TIAM2: variants seen among roughly 807,000 people sequenced by gnomAD.
TIAM2 encodes rho guanine nucleotide exchange factor TIAM2.
In TIAM2, 80 loss-of-function variants were observed where a neutral mutation model predicts 152.9. That is an observed-to-expected ratio of 0.52 (90% CI 0.44 to 0.63). The LOEUF (loss-of-function observed/expected upper bound fraction) is 0.63. TIAM2 is among the 30% of genes least tolerant of loss of function. The pLI, the probability that TIAM2 is intolerant of heterozygous loss-of-function variation, is 0.00. For missense variants in TIAM2, 1,965 were observed against 2,120.1 expected (o/e 0.93, Z 1.44); for synonymous variants, 804 against 838.0 (o/e 0.96, Z 0.70).
In TIAM2 at chr6:155,168,745, A is replaced by G. The variant is rs1583226233; in HGVS notation, c.2361+3336A>G. On this transcript the variant is annotated intron_variant, in intron 9 of 26. Transcript: ENST00000682666. ...AAATTGTGATATGAAGCTCTTCTAA[A>G]ATGTTATAGAACTTTAGTTTTTAAA... 3.0e-6 allele frequency: 3 copies of G among 986,800 alleles called. No individual in the cohort carries two copies. The East Asian group carries it at 8.2e-5, about 27-fold the overall frequency. 61.1% of individuals were successfully genotyped at this position (986,800 alleles called of 1,614,324 possible).
intron 1 of TIAM2, among the ~76,000 whole-genome samples, chr6:155,024,695 A>G (rs1776564208): frequency 6.6e-6 from 1 of 151,182 alleles, no homozygotes; most frequent in Non-Finnish European, 1.5e-5. Flanking sequence ...AAGCCAAGCT[A>G]TAAAAAGTAA....
chr6:155,121,026 G>C (rs1350409989), intron 2 of TIAM2, among the ~76,000 whole-genome samples: 1 of 152,012 alleles, frequency 6.6e-6, no homozygotes, highest in Non-Finnish European at 1.5e-5. Flanking sequence ...TTGCAAATTA[G>C]GTAGTTTTAT....
At chr6:155,247,389 C>T (rs138519146) in intron 19 of TIAM2, among the ~76,000 whole-genome samples, 3 of 152,060 alleles carry the variant, frequency 2.0e-5, no homozygotes, top group Non-Finnish European at 2.9e-5. Context: ...AGTGCAGTGG[C>T]GCGATCTTGG....
chr6:155,161,818 T>G (rs939176154), intron 7 of TIAM2, among the ~76,000 whole-genome samples: 1 of 152,154 alleles, frequency 6.6e-6, no homozygotes, highest in African/African-American at 2.4e-5. Flanking sequence ...CCTCCAATGA[T>G]CTGCCCGCAT....
rs61069386 is a variant in TIAM2, at chr6:155,124,549, C to T, written c.-117-2941C>T. Reference sequence around the variant, plus strand: ...TTCTCCATGTTGATCAGGCTGGTCTCGAACTCCCGACCTCAGGTGATCTGC... The same window carrying T: ...TTCTCCATGTTGATCAGGCTGGTCTTGAACTCCCGACCTCAGGTGATCTGC... On this transcript the variant is annotated intron_variant, in intron 2 of 26. Coordinates refer to ENST00000682666, the MANE Select transcript of TIAM2 (RefSeq NM_012454.4). 5.3e-5 allele frequency among the ~76,000 whole-genome samples: 8 copies of T among 150,950 alleles called. No homozygotes were observed. The South Asian group carries it at 1.3e-3, about 24-fold the overall frequency.
intron 9 of TIAM2, among the ~76,000 whole-genome samples, chr6:155,172,692 T>A (rs1247072782): frequency 6.8e-3 from 292 of 42,980 alleles, no homozygotes; most frequent in African/African-American, 0.012. Flanking sequence ...ATATATTTTT[T>A]TTTTTTTTTT....
intron 14 of TIAM2, among the ~76,000 whole-genome samples, chr6:155,203,194 G>A (rs934218148): frequency 3.3e-5 from 5 of 152,064 alleles, no homozygotes; most frequent in African/African-American, 4.8e-5. Flanking sequence ...TTGAAAAAAA[G>A]TCTTAATTTT....
chr6:155,127,869 G>GT (rs2115034868), intron 3 of TIAM2, among the ~76,000 whole-genome samples: 1 of 152,314 alleles, frequency 6.6e-6, no homozygotes, highest in Admixed American at 6.5e-5. Context: ...TGATATACTG[G>GT]TTTGAGTGAG....
intron 14 of TIAM2, among the ~76,000 whole-genome samples, chr6:155,202,750 G>A (rs939161216): frequency 6.6e-6 from 1 of 151,662 alleles, no homozygotes; most frequent in Non-Finnish European, 1.5e-5. Flanking sequence ...TAAAAGGAGA[G>A]ATTCTGGCTG....
intron 1 of TIAM2, among the ~76,000 whole-genome samples, chr6:155,009,612 A>G (rs914330690): frequency 6.6e-6 from 1 of 152,132 alleles, no homozygotes; most frequent in African/African-American, 2.4e-5. Flanking sequence ...TCCAGGCAGT[A>G]TTAGTGATTT....
chr6:155,140,907 A>G (rs1236670371), intron 5 of TIAM2, among the ~76,000 whole-genome samples: 4 of 152,192 alleles, frequency 2.6e-5, no homozygotes, highest in Non-Finnish European at 5.9e-5. Context: ...GCTACTGACC[A>G]CATTTGTCCA....
chr6:155,202,883 C>CAAAAAA (rs36086677), intron 14 of TIAM2, among the ~76,000 whole-genome samples: 2 of 109,180 alleles, frequency 1.8e-5, no homozygotes, highest in African/African-American at 3.8e-5. Flanking sequence ...ACTAAAAATA[C>CAAAAAA]AAAAAAAAAA....
intron 2 of TIAM2, among the ~76,000 whole-genome samples, chr6:155,102,171 G>A (rs57963184): frequency 6.3e-4 from 96 of 151,444 alleles, no homozygotes; most frequent in African/African-American, 2.3e-3. Flanking sequence ...TAATTTTGGG[G>A]CAGAAATGGG....
chr6:155,137,501 G>A lies in TIAM2; in HGVS notation c.1519G>A (p.Val507Ile). ...GCTCTTTGAGAAGGAACAGGGGGTG[G>A]TCCGGAAGGCCGGGTGGCTCTTCTT... ...DLLFEKEQGVVRKAGWLFFKP... is the reference protein window; with the variant it reads ...DLLFEKEQGVIRKAGWLFFKP... Residue 507 changes from valine to isoleucine, a missense_variant, in exon 5 of 27, where the codon GTC becomes ATC. By Grantham distance (29) the Val-to-Ile change is conservative. Around this residue, in one of 3 missense-constraint regions of TIAM2, gnomAD observed 1,025 missense variants for 1,119.4 expected, o/e 0.92. Transcript: ENST00000682666. 5.6e-6 allele frequency: 9 copies of A among 1,614,184 alleles called. No individual in the cohort carries two copies. The highest frequency in any genetic ancestry group is 6.8e-6 in the Non-Finnish European group (8 of 1,180,030).
At chr6:155,137,101 C>T in intron 4 of TIAM2, 76 bp from the exon 5 acceptor site, 1 of 1,477,794 alleles carries the variant, frequency 6.8e-7, no homozygotes, top group South Asian at 1.3e-5. Context: ...ACTGGTATTA[C>T]ACTTATGCTG....
At chr6:155,029,679 TTATATAACTATATATAGAGA>T (rs1583159830) in intron 1 of TIAM2, among the ~76,000 whole-genome samples, 2 of 103,504 alleles carry the variant, frequency 1.9e-5, no homozygotes, top group East Asian at 2.2e-4. Flanking sequence ...ATATACAGAG[TTATATAACTATATATAGAGA>T]TATATAACTA....
chr6:155,043,372 T>C (rs919162283), intron 1 of TIAM2, among the ~76,000 whole-genome samples: 1 of 152,082 alleles, frequency 6.6e-6, no homozygotes, highest in Admixed American at 6.6e-5. Context: ...CTCATGTCTG[T>C]AATGCCAGCA....
chr6:155,088,557 C>G (rs941769194), intron 1 of TIAM2, among the ~76,000 whole-genome samples: 1 of 152,142 alleles, frequency 6.6e-6, no homozygotes, highest in Non-Finnish European at 1.5e-5. Context: ...TAGAATAACC[C>G]TGTAGTGTAG....
At chr6:155,150,973 C>G (rs1434217029) in intron 7 of TIAM2, among the ~76,000 whole-genome samples, 1 of 152,122 alleles carries the variant, frequency 6.6e-6, no homozygotes, top group African/African-American at 2.4e-5. Context: ...GTATTTTATC[C>G]CCATTCACGC....
Sources: gnomAD v4.1 joint callset for allele counts (sites outside exome capture counted in the v4.1 genomes callset) on GRCh38, gnomAD v4.1.1 for gene constraint, gnomAD v4.1.1 regional missense constraint, MANE v1.5 for transcripts, NCBI Gene and HGNC (gene_info 2026-07-23, HGNC 2026-07-21) for gene names.